Variants in ZNRF2 observed in about 807,000 individuals in gnomAD.
ZNRF2 encodes zinc and ring finger 2.
In ZNRF2, 16 loss-of-function variants were observed where a neutral mutation model predicts 20.4. The ratio of observed to expected loss-of-function variants is 0.79; its 90% CI spans 0.53 to 1.19. The LOEUF is 1.19. ZNRF2 is among the 50% of genes most tolerant of loss of function. The pLI is 0.00. For synonymous variants in ZNRF2, 178 were observed against 144.9 expected, an observed-to-expected ratio of 1.23 and a Z score of -1.64; for missense variants, 363 against 332.4, an observed-to-expected ratio of 1.09 and a Z score of -0.72.
intron 1 of ZNRF2, among the ~76,000 whole-genome samples, chr7:30,311,389 A>C (rs958035191): frequency 2.2e-4 from 34 of 152,162 alleles, no homozygotes; most frequent in Admixed American, 2.2e-3. Flanking sequence ...TCCATATGTG[A>C]ATTTGGGGGA....
At chr7:30,315,896 A>T (rs1799366417) in intron 1 of ZNRF2, among the ~76,000 whole-genome samples, 1 of 152,164 alleles carries the variant, frequency 6.6e-6, no homozygotes, top group Non-Finnish European at 1.5e-5. Flanking sequence ...TGAGAGGCAC[A>T]CTAATGACTT....
At chr7:30,350,057 GTAAA>G (rs1456231241) in intron 2 of ZNRF2, among the ~76,000 whole-genome samples, 1 of 151,920 alleles carries the variant, frequency 6.6e-6, no homozygotes, top group Non-Finnish European at 1.5e-5. Context: ...GGCTTGTTAG[GTAAA>G]TACTCAATAC....
intron 2 of ZNRF2, among the ~76,000 whole-genome samples, chr7:30,324,564 AAAAAAC>A (rs934531983): frequency 1.3e-5 from 2 of 150,554 alleles, no homozygotes; most frequent in Admixed American, 6.6e-5. Flanking sequence ...AAAAAAGAAA[AAAAAAC>A]AAAAACAAAC....
At chr7:30,317,901 A>G (rs1375658535) in intron 1 of ZNRF2, among the ~76,000 whole-genome samples, 2 of 152,180 alleles carry the variant, frequency 1.3e-5, no homozygotes, top group African/African-American at 4.8e-5. Context: ...GGTGTAGCAG[A>G]TGGAGGTTAC....
chr7:30,297,974 C>T (rs1361165309), intron 1 of ZNRF2, among the ~76,000 whole-genome samples: 3 of 152,070 alleles, frequency 2.0e-5, no homozygotes, highest in Admixed American at 1.3e-4. Flanking sequence ...AAGTGATCCT[C>T]CTGCCTCAGC....
Position 30,285,643 on chromosome 7 carries a change from G to T in ZNRF2, c.286G>T (p.Ala96Ser). The change falls in exon 1 of 5, where the codon GCG becomes TCG. Residue 96 changes from alanine to serine, a missense_variant. Physicochemically the swap from Ala to Ser is moderately conservative, Grantham distance 99. Coordinates refer to ENST00000323037, the MANE Select transcript of ZNRF2 (RefSeq NM_147128.4). Reference protein sequence around the residue: ...AVGSVASGARAAQSPFSIPNS... With the variant: ...AVGSVASGARSAQSPFSIPNS... ...GGGGAGCGTGGCGTCGGGGGCCCGC[G>T]CGGCGCAGTCCCCCTTCAGCATCCC... is the stretch of plus-strand genomic sequence containing the variant. The T allele has an allele frequency of 7.8e-7, 1 of 1,285,368 alleles. No homozygotes were observed. Among genetic ancestry groups the T allele is most frequent in the Non-Finnish European group, 9.8e-7 (1 of 1,018,552 alleles). The allele number at this position is 1,285,368 out of a possible 1,614,324, so 79.6% of individuals were successfully genotyped here.
intron 1 of ZNRF2, among the ~76,000 whole-genome samples, chr7:30,288,422 T>C (rs1316273243): frequency 6.6e-6 from 1 of 152,226 alleles, no homozygotes; most frequent in Non-Finnish European, 1.5e-5. Context: ...TCTTGTGAGC[T>C]CTCATGTAAT....
At chr7:30,286,523 G>C (rs1348992876) in intron 1 of ZNRF2, among the ~76,000 whole-genome samples, 1 of 152,162 alleles carries the variant, frequency 6.6e-6, no homozygotes, top group African/African-American at 2.4e-5. Context: ...ACAATAATTG[G>C]CTAGGTTCTT....
chr7:30,294,739 C>G (rs971819002), intron 1 of ZNRF2, among the ~76,000 whole-genome samples: 4 of 149,334 alleles, frequency 2.7e-5, no homozygotes, highest in Non-Finnish European at 6.0e-5. Flanking sequence ...GAGCCGAGAT[C>G]ACACCACTGT....
rs1372785071 is a variant in ZNRF2 at position 30,285,530 on chromosome 7, A to T, written c.173A>T (p.Gln58Leu). Reference sequence around the variant, plus strand: ...CCGGCTCAGGTGCCCAGCGCGCACCAGCCCAGCGCCTCCGGCGGCGCCGCG... The same window carrying T: ...CCGGCTCAGGTGCCCAGCGCGCACCTGCCCAGCGCCTCCGGCGGCGCCGCG... ...RFPAQVPSAH[Q>L]PSASGGAAAA... is the part of the protein sequence containing the mutation. Residue 58 changes from glutamine (Q) to leucine (L), a missense_variant, in exon 1 of 5, where the codon CAG (glutamine) becomes CTG (leucine). By Grantham distance (113) the Gln-to-Leu change is moderately radical (BLOSUM62 -2). Around this residue, in one of 2 missense-constraint regions of ZNRF2, gnomAD observed 302 missense variants for 231.5 expected, o/e 1.30. Coordinates refer to ENST00000323037, the MANE Select transcript of ZNRF2 (RefSeq NM_147128.4). 4.0e-6 allele frequency: 4 copies of T among 992,996 alleles called. No homozygotes were observed. The highest frequency in any genetic ancestry group is 3.6e-6 in the Non-Finnish European group (3 of 837,970). 61.5% of individuals were successfully genotyped at this position (992,996 alleles called of 1,614,324 possible).
intron 1 of ZNRF2, among the ~76,000 whole-genome samples, chr7:30,289,190 A>G (rs1415077923): frequency 6.6e-6 from 1 of 152,188 alleles, no homozygotes; most frequent in Admixed American, 6.5e-5. Context: ...GCTCATGAGT[A>G]TTTCAGTAGT....
chr7:30,360,731 T>C (rs1364664103), intron 3 of ZNRF2, among the ~76,000 whole-genome samples: 1 of 152,122 alleles, frequency 6.6e-6, no homozygotes, highest in Non-Finnish European at 1.5e-5. Flanking sequence ...GCAAGAGACT[T>C]ACTAACAATT....
intron 1 of ZNRF2, among the ~76,000 whole-genome samples, chr7:30,320,384 G>T (rs1434245899): frequency 6.6e-6 from 1 of 152,072 alleles, no homozygotes; most frequent in Non-Finnish European, 1.5e-5. Flanking sequence ...GACAGGCTGT[G>T]GTTAAGTAAA....
intron 2 of ZNRF2, among the ~76,000 whole-genome samples, chr7:30,345,816 C>T (rs1041616982): frequency 2.6e-5 from 4 of 152,182 alleles, no homozygotes; most frequent in African/African-American, 9.7e-5. Context: ...TTAGACTTCA[C>T]ATTAAGTTTT....
chr7:30,315,730 G>T (rs574235481), intron 1 of ZNRF2, among the ~76,000 whole-genome samples: 4 of 103,760 alleles, frequency 3.9e-5, no homozygotes, highest in South Asian at 4.8e-4. Flanking sequence ...GGTGGGGCGG[G>T]GGGGGGGGGG....
At chr7:30,299,671 A>G (rs73309207) in intron 1 of ZNRF2, among the ~76,000 whole-genome samples, 1 of 151,910 alleles carries the variant, frequency 6.6e-6, no homozygotes, top group Admixed American at 6.6e-5. Flanking sequence ...ATTCATTTAC[A>G]TACTTTTAAG....
At chr7:30,365,880 T>C (rs1169899645) in intron 4 of ZNRF2, among the ~76,000 whole-genome samples, 155 bp from the exon 5 acceptor site, 1 of 152,156 alleles carries the variant, frequency 6.6e-6, no homozygotes, top group African/African-American at 2.4e-5. Context: ...GACTTTGTTA[T>C]GTATTTTTTG....
intron 3 of ZNRF2, 79 bp downstream of exon 3, chr7:30,355,912 C>G: frequency 9.3e-7 from 1 of 1,077,034 alleles, no homozygotes; most frequent in Non-Finnish European, 1.4e-6. Flanking sequence ...GAAAAGGAAT[C>G]TTCGTTGAAA....
chr7:30,362,893 G>A (rs1033772893), intron 4 of ZNRF2, among the ~76,000 whole-genome samples: 7 of 152,140 alleles, frequency 4.6e-5, no homozygotes, highest in Non-Finnish European at 8.8e-5. Flanking sequence ...CGAGGCGGGC[G>A]GGTCACGAGG....
Sources: gnomAD v4.1 joint callset for allele counts (sites outside exome capture counted in the v4.1 genomes callset) on GRCh38, gnomAD v4.1.1 for gene constraint, gnomAD v4.1.1 regional missense constraint, MANE v1.5 for transcripts, NCBI Gene and HGNC (gene_info 2026-07-23, HGNC 2026-07-21) for gene names.